Variants in PLK3 observed in about 807,000 individuals in gnomAD.
PLK3 encodes polo like kinase 3.
In PLK3, 41 loss-of-function variants were observed where a neutral mutation model predicts 71.6. The observed-to-expected ratio is 0.57, with a 90% confidence interval of 0.45 to 0.74. PLK3 has a LOEUF of 0.74. PLK3 is among the 30% of genes least tolerant of loss of function. The pLI, the probability that PLK3 is intolerant of heterozygous loss-of-function variation, is 0.00. For synonymous variants in PLK3, 366 were observed against 355.4 expected (o/e 1.03, Z -0.33); for missense variants, 791 against 875.6 (o/e 0.90, Z 1.22).
intron 5 of PLK3, 39 bp downstream of exon 5, chr1:44,801,971 T>C (rs548445780): frequency 6.9e-7 from 1 of 1,455,012 alleles, no homozygotes; most frequent in Non-Finnish European, 9.6e-7. Context: ...GTGATACAGA[T>C]GACATGCGTG....
In PLK3 at chr1:44,803,436, C is replaced by G; in HGVS notation, c.1072+45C>G. The G allele has an allele frequency of 6.2e-7, 1 of 1,611,088 alleles. No individual in the cohort carries two copies. Among genetic ancestry groups the G allele is most frequent in the Non-Finnish European group, 8.5e-7 (1 of 1,178,224 alleles). On this transcript the variant is annotated intron_variant, in intron 8 of 14. Coordinates refer to ENST00000372201, the MANE Select transcript of PLK3 (RefSeq NM_004073.4). This position sits in a 1 kb window ranked among gnomAD's most constrained non-coding sequence, Gnocchi z 4.3. ...GGGTTGAGGGGGCAGAGCAGTAGAG[C>G]GGCTTGTCACATTTGTCTTGGGTGT... is the stretch of plus-strand genomic sequence containing the variant.
intron 13 of PLK3, 52 bp from the exon 14 acceptor site, chr1:44,805,214 G>A (rs1022577040): frequency 4.3e-6 from 5 of 1,175,704 alleles, no homozygotes; most frequent in African/African-American, 3.0e-5. Context: ...ACACTAATGG[G>A]GAGGGGGCTG....
rs1651894609 is a variant in PLK3 at position 44,803,211 on chromosome 1, G to A, written c.949-57G>A. The A allele has an allele frequency of 1.2e-6, 2 of 1,611,618 alleles. No homozygotes were observed. Among genetic ancestry groups the A allele is most frequent in the Admixed American group, 1.7e-5 (1 of 59,954 alleles). On this transcript the variant is annotated intron_variant, in intron 7 of 14. Coordinates refer to ENST00000372201, the MANE Select transcript of PLK3 (RefSeq NM_004073.4). This position sits in a 1 kb window ranked among gnomAD's most constrained non-coding sequence, Gnocchi z 4.3. Reference sequence around the variant, plus strand: ...GTGTATTCCCAGGGATTGAAAGGGGGCAGGTGACAGGACCCCTGGAGCCTC... The same window carrying A: ...GTGTATTCCCAGGGATTGAAAGGGGACAGGTGACAGGACCCCTGGAGCCTC...
chr1:44,804,667 C>T lies in PLK3; in HGVS notation c.1523C>T (p.Pro508Leu), dbSNP rs779569266. Residue 508 changes from proline (P) to leucine (L), a missense_variant, in exon 13 of 15, where the codon CCC (proline) becomes CTC (leucine). Transcript: ENST00000372201. ...CATTCTAGGACTGTGCACTACAATC[C>T]CACCAGCACAAAGCACTTCTCCTTC... ...SANRKTVHYN[P>L]TSTKHFSFSV... 1.2e-5 allele frequency: 20 copies of T among 1,613,900 alleles called. No homozygotes were observed. The Admixed American group carries it at 3.3e-4, about 27-fold the overall frequency.
Position 44,803,593 on chromosome 1 carries a change from C to T in PLK3, c.1073-7C>T. 1 of 1,612,360 alleles carries T rather than the reference C, an allele frequency of 6.2e-7. No homozygotes were observed. The highest frequency in any genetic ancestry group is 8.5e-7 in the Non-Finnish European group (1 of 1,178,464). On this transcript the variant is annotated splice_polypyrimidine_tract_variant and splice_region_variant and intron_variant, in intron 8 of 14. Transcript: ENST00000372201. This position sits in a 1 kb window ranked among gnomAD's most constrained non-coding sequence, Gnocchi z 4.3. ...ATACTGAGGACGGTATCACCTTTCA[C>T]CCCCAGGTAAGAATCATGCCCAGGA...
chr1:44,802,894 T>G (rs777959625), intron 6 of PLK3, 39 bp downstream of exon 6: 1 of 1,605,432 alleles, frequency 6.2e-7, no homozygotes, highest in East Asian at 2.2e-5. Context: ...AGACAGGTGG[T>G]GGGTGTGTGG....
In PLK3 at chr1:44,803,006, GACGT is replaced by G; in HGVS notation, c.804_807del (p.Tyr269AlafsTer60). 6.2e-7 allele frequency: 1 copy of G among 1,614,032 alleles called. No homozygotes were observed. Among genetic ancestry groups the G allele is most frequent in the Non-Finnish European group, 8.5e-7 (1 of 1,179,972 alleles). On this transcript the variant is annotated frameshift_variant, in exon 7 of 15. Transcript: ENST00000372201. LOFTEE classifies it high-confidence loss of function. The surrounding 1 kb of genome is among the most constrained non-coding windows in gnomAD (Gnocchi z 4.3). ...CCTTTGAGACGGCTGACCTGAAGGA[GACGT>G]ACCGCTGCATCAAGCAGGTTCACTA...
In PLK3 at chr1:44,800,553, G is replaced by A. The variant is rs1242910246; in HGVS notation, c.90G>A (p.Pro30=). 23 of 1,496,628 alleles carry A rather than the reference G, an allele frequency of 1.5e-5. No individual in the cohort carries two copies. The highest frequency in any genetic ancestry group is 1.2e-4 in the African/African-American group (8 of 68,630). 92.7% of individuals were successfully genotyped at this position (1,496,628 alleles called of 1,614,324 possible). The change falls in exon 1 of 15, where the codon CCG becomes CCA. Residue 30 remains proline (P), a synonymous_variant. Transcript: ENST00000372201. The surrounding 1 kb of genome is among the most constrained non-coding windows in gnomAD (Gnocchi z 6.5). The part of the protein sequence containing the change: ...PAPPAGPGPP[P]SALRGPELEM... The stretch of plus-strand genomic sequence containing the variant: ...CCCCGGCCGGGCCCGGGCCGCCTCC[G>A]AGTGCCTTGCGCGGACCTGAGCTGG...
chr1:44,805,249 C>T lies in PLK3; in HGVS notation c.1636-17C>T. 6.5e-7 allele frequency: 1 copy of T among 1,549,752 alleles called. No homozygotes were observed. The highest frequency in any genetic ancestry group is 2.2e-5 in the East Asian group (1 of 44,564). ...GTCTCACGCTGGATCAGTGACCTGC[C>T]CTGATCCTGCTCCCAGGGTGGAGAT... On this transcript the variant is annotated splice_polypyrimidine_tract_variant and intron_variant, in intron 13 of 14. Coordinates refer to ENST00000372201, the MANE Select transcript of PLK3 (RefSeq NM_004073.4).
chr1:44,805,735 T>G lies in PLK3; in HGVS notation c.*57T>G. On this transcript the variant is annotated 3_prime_UTR_variant, in exon 15 of 15. Transcript: ENST00000372201. ...TGTCAGGCTCTGGCCCTTGCCTTTGTGGCCTTCCCCCTTCCTTTGGTGCCT... is the reference window on the plus strand; with the variant it reads ...TGTCAGGCTCTGGCCCTTGCCTTTGGGGCCTTCCCCCTTCCTTTGGTGCCT... 1 of 1,548,764 alleles carries G rather than the reference T, an allele frequency of 6.5e-7. No individual in the cohort carries two copies. The highest frequency in any genetic ancestry group is 2.3e-5 in the East Asian group (1 of 44,112).
chr1:44,803,540 C>G lies in PLK3; in HGVS notation c.1073-60C>G. 6.3e-7 allele frequency: 1 copy of G among 1,580,422 alleles called. No homozygotes were observed. Among genetic ancestry groups the G allele is most frequent in the Admixed American group, 1.7e-5 (1 of 59,086 alleles). On this transcript the variant is annotated intron_variant, in intron 8 of 14. Transcript: ENST00000372201. This position sits in a 1 kb window ranked among gnomAD's most constrained non-coding sequence, Gnocchi z 4.3. ...TGGGGAGGCCAATCTCTGTGTCATC[C>G]CTGTCGGAAGTGGAGGGGCTGGGCA...
At position 44,804,348 on chromosome 1, in the gene PLK3, A is replaced by AC; in HGVS notation, c.1355dup (p.Ala453GlyfsTer17). ...TCCTCTCCCATGACAGCGGAACAGA[A>AC]CCCGGCCCCCCTGGCCCAGCCAGAG... On this transcript the variant is annotated frameshift_variant, in exon 12 of 15. Transcript: ENST00000372201. LOFTEE classifies it high-confidence loss of function. 1 of 1,613,776 alleles carries AC rather than the reference A, an allele frequency of 6.2e-7. No homozygotes were observed. The highest frequency in any genetic ancestry group is 8.5e-7 in the Non-Finnish European group (1 of 1,179,914).
chr1:44,803,022 A>G lies in PLK3; in HGVS notation c.817A>G (p.Lys273Glu). ...ADLKETYRCI[K>E]QVHYTLPASL... is the part of the protein sequence containing the mutation. ...CCTGAAGGAGACGTACCGCTGCATC[A>G]AGCAGGTTCACTACACGCTGCCTGC... is the stretch of plus-strand genomic sequence containing the variant. Residue 273 changes from lysine (K) to glutamate (E), a missense_variant, in exon 7 of 15, where the codon AAG becomes GAG. By Grantham distance (56) the Lys-to-Glu change is moderately conservative (BLOSUM62 1). Transcript: ENST00000372201. The surrounding 1 kb of genome is among the most constrained non-coding windows in gnomAD (Gnocchi z 4.3). The G allele has an allele frequency of 6.2e-7, 1 of 1,613,970 alleles. No homozygotes were observed.
Position 44,805,309 on chromosome 1 carries a change from C to T in PLK3, c.1679C>T (p.Pro560Leu), listed in dbSNP as rs1222966457. The change falls in exon 14 of 15, where the codon CCG becomes CTG. Residue 560 changes from proline (P) to leucine (L), a missense_variant. By Grantham distance (98) the Pro-to-Leu change is moderately conservative. Transcript: ENST00000372201. ...GTGGAAGAGGTAGAGGTACCTGCTC[C>T]GCCCTTGCTGCTGCAGTGGGTCAAG... ...PSVEEVEVPA[P>L]PLLLQWVKTD... The T allele has an allele frequency of 9.9e-6, 16 of 1,613,946 alleles. No individual in the cohort carries two copies. Among genetic ancestry groups the T allele is most frequent in the East Asian group, 6.7e-5 (3 of 44,888 alleles).
At position 44,805,114 on chromosome 1, in the gene PLK3, A is replaced by AAAAC. The variant is rs1313045682; in HGVS notation, c.1636-149_1636-148insCAAA. On this transcript the variant is annotated intron_variant, in intron 13 of 14. Transcript: ENST00000372201. ...GAGCGAGACTCCATCTCAAAAAAAA[A>AAAAC]AAATAAAGAAAAGAAAACTAACCCA... 23 of 566,228 alleles carry AAAAC rather than the reference A, an allele frequency of 4.1e-5. No individual in the cohort carries two copies. In the Admixed American group the frequency reaches 7.2e-4, roughly 18 times the overall value. 35.1% of individuals were successfully genotyped at this position (566,228 alleles called of 1,614,324 possible). A position where few individuals can be genotyped will look rare whatever the true frequency, so the allele number is the denominator to read the frequency against.
Position 44,800,997 on chromosome 1 carries a change from G to C in PLK3, c.319-39G>C, listed in dbSNP as rs201420187. Reference sequence around the variant, plus strand: ...GGGTGGGGTGGGGACGGTGGCATGGGAACCATGGAAGGATGACGACTCCGC... The same window carrying C: ...GGGTGGGGTGGGGACGGTGGCATGGCAACCATGGAAGGATGACGACTCCGC... On this transcript the variant is annotated intron_variant, in intron 2 of 14. Coordinates refer to ENST00000372201, the MANE Select transcript of PLK3 (RefSeq NM_004073.4). This position sits in a 1 kb window ranked among gnomAD's most constrained non-coding sequence, Gnocchi z 6.5. 115 of 1,607,950 alleles carry C rather than the reference G, an allele frequency of 7.2e-5. No homozygotes were observed. The highest frequency in any genetic ancestry group is 9.7e-5 in the Non-Finnish European group (114 of 1,174,976).
chr1:44,803,698 C>A lies in PLK3; in HGVS notation c.1164+7C>A. 1.2e-6 allele frequency: 2 copies of A among 1,601,292 alleles called. No individual in the cohort carries two copies. Among genetic ancestry groups the A allele is most frequent in the Non-Finnish European group, 1.7e-6 (2 of 1,170,486 alleles). The stretch of plus-strand genomic sequence containing the variant: ...TCAGGATGCCAGGCCAGAGGTGAGG[C>A]GCTCAGGTGGACACTGTTCCCCTGA... On this transcript the variant is annotated splice_region_variant and intron_variant, in intron 9 of 14. Transcript: ENST00000372201. This position sits in a 1 kb window ranked among gnomAD's most constrained non-coding sequence, Gnocchi z 4.3.
chr1:44,803,540 C>T lies in PLK3; in HGVS notation c.1073-60C>T. On this transcript the variant is annotated intron_variant, in intron 8 of 14. Transcript: ENST00000372201. This position sits in a 1 kb window ranked among gnomAD's most constrained non-coding sequence, Gnocchi z 4.3. The stretch of plus-strand genomic sequence containing the variant: ...TGGGGAGGCCAATCTCTGTGTCATC[C>T]CTGTCGGAAGTGGAGGGGCTGGGCA... 1.3e-6 allele frequency: 2 copies of T among 1,580,422 alleles called. No individual in the cohort carries two copies. The highest frequency in any genetic ancestry group is 1.3e-5 in the African/African-American group (1 of 74,306).
In PLK3 at chr1:44,803,110, G is replaced by A. The variant is rs1218450172; in HGVS notation, c.905G>A (p.Arg302His). The change falls in exon 7 of 15, where the codon CGC (arginine) becomes CAC (histidine). Residue 302 changes from arginine (R) to histidine (H), a missense_variant. Transcript: ENST00000372201. This position sits in a 1 kb window ranked among gnomAD's most constrained non-coding sequence, Gnocchi z 4.3. ...AAILRASPRD[R>H]PSIDQILRHD... ...ATCCTTCGGGCCTCACCCCGAGACC[G>A]CCCCTCTATTGACCAGATCCTGCGC... is the stretch of plus-strand genomic sequence containing the variant. The A allele has an allele frequency of 9.9e-6, 16 of 1,613,692 alleles. No homozygotes were observed. Among genetic ancestry groups the A allele is most frequent in the Admixed American group, 8.3e-5 (5 of 59,998 alleles).
Sources: allele counts gnomAD v4.1 joint callset, GRCh38; gene constraint gnomAD v4.1.1; non-coding constraint Gnocchi (gnomAD v3.1); transcripts MANE v1.5; gene names NCBI Gene and HGNC (gene_info 2026-07-23, HGNC 2026-07-21).